LTBR: variants seen among roughly 807,000 people sequenced by gnomAD.
LTBR encodes lymphotoxin beta receptor.
LTBR carries 15 observed loss-of-function variants against 45.4 expected under a neutral mutation model. The observed-to-expected ratio is 0.33, with a 90% CI of 0.22 to 0.51. The LOEUF is 0.51. Among genes scored for constraint, LTBR ranks in the 20% least tolerant of loss-of-function variants. LTBR has a pLI of 0.97. For missense variants in LTBR, 450 were observed against 565.5 expected, an observed-to-expected ratio of 0.80 and a Z score of 2.07; for synonymous variants, 228 against 231.0, an observed-to-expected ratio of 0.99 and a Z score of 0.12.
chr12:6,381,314 G>A (rs1592095591), upstream of LTBR, among the ~76,000 whole-genome samples: 1 of 152,316 alleles, frequency 6.6e-6, no homozygotes, highest in South Asian at 2.1e-4. Context: ...TTATGGAAGT[G>A]GGGAAGGAAG....
At chr12:6,384,736 C>T in intron 2 of LTBR, 52 bp downstream of exon 2, 2 of 1,525,676 alleles carry the variant, frequency 1.3e-6, no homozygotes, top group Non-Finnish European at 1.8e-6. Flanking sequence ...GTCACGGGGG[C>T]TCCAGCCCCC....
intron 6 of LTBR, chr12:6,387,568 T>TC: frequency 5.9e-6 from 1 of 169,702 alleles, no homozygotes. Flanking sequence ...TCCCCAGGCC[T>TC]CCCATCCCAT....
upstream of LTBR, among the ~76,000 whole-genome samples, chr12:6,380,682 T>TC (rs1222616887): frequency 1.4e-5 from 2 of 146,696 alleles, no homozygotes; most frequent in Admixed American, 6.8e-5. Context: ...AGACTGAGAC[T>TC]CTGTCTCAAA....
chr12:6,389,114 G>A (rs1949081586), intron 8 of LTBR: 2 of 346,138 alleles, frequency 5.8e-6, no homozygotes, highest in East Asian at 1.2e-4. Context: ...GGGTCAATGA[G>A]TGACAGTGGC....
chr12:6,389,989 G>A, intron 8 of LTBR, 123 bp from the exon 9 acceptor site: 1 of 710,462 alleles, frequency 1.4e-6, no homozygotes, highest in Non-Finnish European at 2.4e-6. Context: ...GAAAGAGAGA[G>A]AGAGAGAGAA....
chr12:6,386,139 C>A lies in LTBR; in HGVS notation c.546C>A (p.Ser182Arg). Residue 182 changes from serine (S) to arginine (R), a missense_variant, in exon 5 of 10, where the codon AGC (serine) becomes AGA (arginine). Around this residue, in one of 3 missense-constraint regions of LTBR, gnomAD observed 367 missense variants for 435.4 expected, o/e 0.84. Transcript: ENST00000228918. The surrounding 1 kb of genome is among the most constrained non-coding windows in gnomAD (Gnocchi z 4.1). ...ACTTCCAGAATACCTCCTCCCCCAGCGCCCGCTGCCAGCCCCACACCAGGT... is the reference window on the plus strand; with the variant it reads ...ACTTCCAGAATACCTCCTCCCCCAGAGCCCGCTGCCAGCCCCACACCAGGT... ...AGHFQNTSSPSARCQPHTRCE... is the reference protein window; with the variant it reads ...AGHFQNTSSPRARCQPHTRCE... 1.9e-6 allele frequency: 3 copies of A among 1,613,602 alleles called. No individual in the cohort carries two copies. The highest frequency in any genetic ancestry group is 1.7e-4 in the Middle Eastern group (1 of 6,054).
chr12:6,385,252 C>T lies in LTBR; in HGVS notation c.345C>T (p.Pro115=), dbSNP rs1429826245. ...DPVMGLEEIA[P]CTSKRKTQCR... is the part of the protein sequence containing the mutation. Reference sequence around the variant, plus strand: ...TGATGGGCCTCGAGGAGATTGCCCCCTGCACAAGCAAACGGAAGACCCAGT... The same window carrying T: ...TGATGGGCCTCGAGGAGATTGCCCCTTGCACAAGCAAACGGAAGACCCAGT... Residue 115 remains proline, a synonymous_variant, in exon 4 of 10, where the codon CCC becomes CCT. Coordinates refer to ENST00000228918, the MANE Select transcript of LTBR (RefSeq NM_002342.3). The T allele has an allele frequency of 6.2e-7, 1 of 1,614,120 alleles. No individual in the cohort carries two copies. The highest frequency in any genetic ancestry group is 1.7e-5 in the Admixed American group (1 of 60,020).
intron 1 of LTBR, chr12:6,377,713 T>A: frequency 7.8e-7 from 1 of 1,289,468 alleles, no homozygotes; most frequent in Non-Finnish European, 1.0e-6. Context: ...ACCCTGGCTG[T>A]TTGATCTCAA....
chr12:6,377,422 A>G, intron 1 of LTBR: 2 of 709,398 alleles, frequency 2.8e-6, no homozygotes, highest in Non-Finnish European at 4.7e-6. Flanking sequence ...CTCTGGGGCT[A>G]TCTACTTAGC....
At chr12:6,380,946 T>A (rs1288953858), upstream of LTBR, among the ~76,000 whole-genome samples, 2 of 152,184 alleles carry the variant, frequency 1.3e-5, no homozygotes, top group African/African-American at 2.4e-5. Flanking sequence ...GACAATGCCC[T>A]GCCCGCGGTG....
chr12:6,385,196 C>A (rs374762787), intron 3 of LTBR, 31 bp from the exon 4 acceptor site: 2 of 1,614,004 alleles, frequency 1.2e-6, no homozygotes, highest in African/African-American at 2.7e-5. Context: ...GGAGCTTGGC[C>A]CCTCCCTGAG....
chr12:6,388,168 G>A lies in LTBR; in HGVS notation c.668-230G>A. On this transcript the variant is annotated intron_variant, in intron 6 of 9. Transcript: ENST00000228918. This position sits in a 1 kb window ranked among gnomAD's most constrained non-coding sequence, Gnocchi z 4.3. Reference sequence around the variant, plus strand: ...CCCAAACATGCCCATCCATGATACAGTCTCTCCTGGCTGCCAAGAGGTCCT... The same window carrying A: ...CCCAAACATGCCCATCCATGATACAATCTCTCCTGGCTGCCAAGAGGTCCT... 2.0e-6 allele frequency: 1 copy of A among 512,102 alleles called. No individual in the cohort carries two copies. The highest frequency in any genetic ancestry group is 2.1e-5 in the South Asian group (1 of 48,230). The allele number at this position is 512,102 out of a possible 1,614,324, so 31.7% of individuals were successfully genotyped here.
upstream of LTBR, among the ~76,000 whole-genome samples, chr12:6,382,676 G>A (rs1435977337): frequency 3.3e-5 from 5 of 152,302 alleles, no homozygotes; most frequent in East Asian, 9.6e-4. Context: ...CTACAGCCTA[G>A]GCAGGTCCTT....
chr12:6,385,198 C>T (rs1289350263), intron 3 of LTBR, 29 bp from the exon 4 acceptor site: 3 of 1,614,148 alleles, frequency 1.9e-6, no homozygotes, highest in African/African-American at 2.7e-5. Context: ...AGCTTGGCCC[C>T]TCCCTGAGCC....
rs745619648 is a variant in LTBR, at chr12:6,386,404, C to T, written c.627C>T (p.Thr209=). Residue 209 remains threonine, a synonymous_variant, in exon 6 of 10, where the codon ACC becomes ACT. Transcript: ENST00000228918. The surrounding 1 kb of genome is among the most constrained non-coding windows in gnomAD (Gnocchi z 4.1). ...CAGGCACTGCCCAGTCCGACACAAC[C>T]TGCAAAAATCCATTAGAGCCACTGC... ...AAPGTAQSDT[T]CKNPLEPLPP... The T allele has an allele frequency of 1.2e-6, 2 of 1,613,750 alleles. No homozygotes were observed. Among genetic ancestry groups the T allele is most frequent in the Non-Finnish European group, 8.5e-7 (1 of 1,179,910 alleles).
Position 6,385,024 on chromosome 12 carries a change from A to G in LTBR, c.196A>G (p.Thr66Ala). Residue 66 changes from threonine to alanine, a missense_variant and splice_region_variant, in exon 3 of 10, where the codon ACC (threonine) becomes GCC (alanine). Physicochemically the swap from Thr to Ala is moderately conservative, Grantham distance 58. Transcript: ENST00000228918. ...CTACTGCTCCACTCACGTTCTAGGC[A>G]CCTATGTCTCAGCTAAATGTAGCCG... is the stretch of plus-strand genomic sequence containing the variant. Reference protein sequence around the residue: ...RICCSRCPPGTYVSAKCSRIR... With the variant: ...RICCSRCPPGAYVSAKCSRIR... 1 of 1,614,156 alleles carries G rather than the reference A, an allele frequency of 6.2e-7. No homozygotes were observed. Among genetic ancestry groups the G allele is most frequent in the Non-Finnish European group, 8.5e-7 (1 of 1,180,024 alleles).
Position 6,391,084 on chromosome 12 carries a change from A to G in LTBR, c.*147A>G. The G allele has an allele frequency of 7.3e-6, 6 of 824,342 alleles. No individual in the cohort carries two copies. The highest frequency in any genetic ancestry group is 1.1e-5 in the Non-Finnish European group (6 of 569,888). The allele number at this position is 824,342 out of a possible 1,614,324, so 51.1% of individuals were successfully genotyped here. A position where few individuals can be genotyped will look rare whatever the true frequency, so the allele number is the denominator to read the frequency against. On this transcript the variant is annotated 3_prime_UTR_variant, in exon 10 of 10. Transcript: ENST00000228918. Reference sequence around the variant, plus strand: ...TTAAGGCTCAGACACCTCTGAGAGCAGGTGGGCACTGGCTGGGTACGGTGC... The same window carrying G: ...TTAAGGCTCAGACACCTCTGAGAGCGGGTGGGCACTGGCTGGGTACGGTGC...
Position 6,384,264 on chromosome 12 carries a change from G to C in LTBR, c.-95G>C. 1 of 1,418,308 alleles carries C rather than the reference G, an allele frequency of 7.1e-7. No individual in the cohort carries two copies. The allele number at this position is 1,418,308 out of a possible 1,614,324, so 87.9% of individuals were successfully genotyped here. A position where few individuals can be genotyped will look rare whatever the true frequency, so the allele number is the denominator to read the frequency against. ...CCCTGAGTCCCGTCCCAGGCTCTGG[G>C]CTCGGGCAGCCGCCGCCACCGCTGC... is the stretch of plus-strand genomic sequence containing the variant. On this transcript the variant is annotated 5_prime_UTR_variant, in exon 1 of 10. Transcript: ENST00000228918.
At chr12:6,378,231 T>TC (rs1948940636) in intron 1 of LTBR, among the ~76,000 whole-genome samples, 1 of 151,956 alleles carries the variant, frequency 6.6e-6, no homozygotes, top group African/African-American at 2.4e-5. Flanking sequence ...ATATAGTTCT[T>TC]TTTTATGACA....
Sources: allele counts gnomAD v4.1 joint callset (sites outside exome capture counted in the v4.1 genomes callset), GRCh38; gene constraint gnomAD v4.1.1; regional missense constraint gnomAD v4.1.1; non-coding constraint Gnocchi (gnomAD v3.1); transcripts MANE v1.5; gene names NCBI Gene and HGNC (gene_info 2026-07-23, HGNC 2026-07-21).